The following SUGCT variants were observed in gnomAD, a reference collection of about 807,000 sequenced individuals.
The protein encoded by SUGCT is succinyl-CoA:glutarate-CoA transferase, also known as succinyl-CoA:glutarate CoA-transferase.
In SUGCT, 41 loss-of-function variants were observed where a neutral mutation model predicts 55.0. The ratio of observed to expected loss-of-function variants is 0.74; its 90% confidence interval spans 0.58 to 0.97. The LOEUF (loss-of-function observed/expected upper bound fraction) is 0.97, where lower values mean the gene tolerates loss of function less well. Ranked by LOEUF, SUGCT falls within the 50% of genes least tolerant of loss-of-function variation. The pLI, the probability that SUGCT is intolerant of heterozygous loss-of-function variation, is 0.00. For synonymous variants in SUGCT, 187 were observed against 200.4 expected (o/e 0.93, Z 0.56); for missense variants, 568 against 547.8 (o/e 1.04, Z -0.37).
intron 3 of SUGCT, 113 bp downstream of exon 3, chr7:40,182,141 A>G (rs1016411656): frequency 1.1e-5 from 7 of 632,594 alleles, no homozygotes; most frequent in Non-Finnish European, 1.9e-5. Flanking sequence ...GAGAATTAAA[A>G]TGAAATGATT....
intron 9 of SUGCT, among the ~76,000 whole-genome samples, chr7:40,320,690 A>G (rs925598013): frequency 1.3e-5 from 2 of 152,064 alleles, no homozygotes; most frequent in Admixed American, 6.6e-5. Context: ...ACCCACACTG[A>G]CCTCTACTGT....
chr7:40,724,353 C>T (rs137880812), intron 12 of SUGCT, among the ~76,000 whole-genome samples: 1 of 152,270 alleles, frequency 6.6e-6, no homozygotes, highest in African/African-American at 2.4e-5. Context: ...ATGACAAGGT[C>T]AGGAGATTGA....
rs368226156 is a variant in SUGCT at position 40,377,181 on chromosome 7, T to TC, written c.816+60327dup. Among the ~76,000 whole-genome samples the TC allele has an allele frequency of 1.8e-3, 30 of 16,886 alleles. 8 individuals are homozygous for TC. Among genetic ancestry groups the TC allele is most frequent in the Non-Finnish European group, 6.0e-3 (20 of 3,330 alleles). 11.1% of individuals were successfully genotyped at this position (16,886 alleles called of 152,430 possible). On this transcript the variant is annotated intron_variant, in intron 9 of 13. Coordinates refer to ENST00000335693, the MANE Select transcript of SUGCT (RefSeq NM_001193313.2). ...TTCTTTCTTTCTTTCTTTCTTTCTTTCTTTCTTTCTTTCTTTCTTTTCTTT... is the reference window on the plus strand; with the variant it reads ...TTCTTTCTTTCTTTCTTTCTTTCTTTCCTTTCTTTCTTTCTTTCTTTTCTTT...
the SUGCT span, among the ~76,000 whole-genome samples, chr7:41,006,846 A>G: frequency 2.6e-5 from 4 of 152,214 alleles, no homozygotes; most frequent in East Asian, 7.7e-4. Flanking sequence ...TTTGGCAGTC[A>G]TTGCAATGAT....
chr7:40,158,445 G>A (rs781016193), intron 1 of SUGCT, among the ~76,000 whole-genome samples: 24 of 152,216 alleles, frequency 1.6e-4, no homozygotes, highest in Middle Eastern at 3.4e-3. Context: ...AAGACTAAAA[G>A]TTTATTTAAA....
intron 9 of SUGCT, among the ~76,000 whole-genome samples, chr7:40,366,817 G>T (rs1012810969): frequency 2.0e-5 from 3 of 152,020 alleles, no homozygotes; most frequent in African/African-American, 4.8e-5. Flanking sequence ...ACTGTTGGTG[G>T]GACTGTAAAC....
chr7:40,897,943 G>A, the SUGCT span, among the ~76,000 whole-genome samples: 1 of 152,152 alleles, frequency 6.6e-6, no homozygotes, highest in Admixed American at 6.5e-5. Context: ...TGTGGATGGG[G>A]CCAGATAAGA....
At chr7:40,424,129 G>A (rs1390804903) in intron 9 of SUGCT, among the ~76,000 whole-genome samples, 2 of 152,102 alleles carry the variant, frequency 1.3e-5, no homozygotes, top group Non-Finnish European at 2.9e-5. Flanking sequence ...TTCCTCAAAT[G>A]TTAAAAACAG....
intron 7 of SUGCT, among the ~76,000 whole-genome samples, chr7:40,257,458 A>C (rs1790885351): frequency 6.6e-6 from 1 of 152,206 alleles, no homozygotes; most frequent in East Asian, 1.9e-4. Flanking sequence ...AAACATCAAC[A>C]AACTGAAAAC....
intron 9 of SUGCT, among the ~76,000 whole-genome samples, chr7:40,417,956 T>C (rs748549985): frequency 3.9e-5 from 6 of 152,140 alleles, no homozygotes; most frequent in Non-Finnish European, 7.4e-5. Context: ...TTATGCAGCA[T>C]AGAAAAACAA....
At chr7:40,826,727 T>C (rs1372967102) in intron 13 of SUGCT, among the ~76,000 whole-genome samples, 4 of 152,160 alleles carry the variant, frequency 2.6e-5, no homozygotes, top group Non-Finnish European at 4.4e-5. Flanking sequence ...GCATCAGTCT[T>C]TGTAAGTATT....
intron 1 of SUGCT, among the ~76,000 whole-genome samples, chr7:40,176,718 A>G (rs1304172324): frequency 6.6e-6 from 1 of 151,948 alleles, no homozygotes; most frequent in African/African-American, 2.4e-5. Flanking sequence ...CATGCCTGTA[A>G]TCCCAGCACT....
At chr7:40,870,633 T>A in the SUGCT span, among the ~76,000 whole-genome samples, 1 of 152,244 alleles carries the variant, frequency 6.6e-6, no homozygotes, top group African/African-American at 2.4e-5. Context: ...GCAAATATTC[T>A]GTTTTTCATT....
Position 40,182,021 on chromosome 7 carries a change from G to A in SUGCT, c.219G>A (p.Glu73=). ...GDLGAEVIKV[E]RPGAGDDTRT... The stretch of plus-strand genomic sequence containing the variant: ...TTGGAGCAGAAGTTATAAAAGTGGA[G>A]AGACCAGGTAAAGCTATTACTCCCT... The change falls in exon 3 of 14, where the codon GAG becomes GAA. Residue 73 remains glutamate, a synonymous_variant. Transcript: ENST00000335693. 1 of 1,590,120 alleles carries A rather than the reference G, an allele frequency of 6.3e-7. No homozygotes were observed. Among genetic ancestry groups the A allele is most frequent in the Non-Finnish European group, 8.6e-7 (1 of 1,164,094 alleles).
Position 40,860,451 on chromosome 7 carries a change from G to T in SUGCT, c.1289G>T (p.Gly430Val), listed in dbSNP as rs754924489. ...DRAIGELLSA[G>V]VVDQHETH is the part of the protein sequence containing the mutation. The stretch of plus-strand genomic sequence containing the variant: ...GCCATCGGGGAGCTGCTCAGCGCTG[G>T]AGTGGTGGACCAACATGAAACTCAC... The change falls in exon 14 of 14, where the codon GGA becomes GTA. Residue 430 changes from glycine to valine, a missense_variant. By Grantham distance (109) the Gly-to-Val change is moderately radical. Coordinates refer to ENST00000335693, the MANE Select transcript of SUGCT (RefSeq NM_001193313.2). 1.2e-6 allele frequency: 2 copies of T among 1,613,476 alleles called. No homozygotes were observed. Among genetic ancestry groups the T allele is most frequent in the Admixed American group, 3.3e-5 (2 of 60,008 alleles).
chr7:40,888,329 C>T, the SUGCT span, among the ~76,000 whole-genome samples: 1 of 151,212 alleles, frequency 6.6e-6, no homozygotes, highest in Non-Finnish European at 1.5e-5. Flanking sequence ...TTTTCTACCA[C>T]AAAAGGTAGA....
the SUGCT span, among the ~76,000 whole-genome samples, chr7:41,021,567 C>T: frequency 6.6e-6 from 1 of 151,836 alleles, no homozygotes; most frequent in Admixed American, 6.6e-5. Flanking sequence ...TGGGAAATAA[C>T]AAGTAATTAT....
chr7:41,034,516 A>T, the SUGCT span, among the ~76,000 whole-genome samples: 2 of 152,158 alleles, frequency 1.3e-5, no homozygotes, highest in East Asian at 3.9e-4. Flanking sequence ...AGCTGCTCAC[A>T]TCTAGACCCA....
At chr7:40,647,155 G>A (rs1800559142) in intron 12 of SUGCT, among the ~76,000 whole-genome samples, 1 of 152,170 alleles carries the variant, frequency 6.6e-6, no homozygotes, top group Non-Finnish European at 1.5e-5. Flanking sequence ...GGCTGGAAAA[G>A]TAACTGAAAG....
Sources: allele counts gnomAD v4.1 joint callset (sites outside exome capture counted in the v4.1 genomes callset), GRCh38; gene constraint gnomAD v4.1.1; transcripts MANE v1.5; gene names NCBI Gene and HGNC (gene_info 2026-07-23, HGNC 2026-07-21).